NF2: variants seen among roughly 807,000 people sequenced by gnomAD.
NF2 encodes the protein NF2, moesin-ezrin-radixin like (MERLIN) tumor suppressor, also known as merlin.
In NF2, 8 loss-of-function variants were observed where a neutral mutation model predicts 83.7. The ratio of observed to expected loss-of-function variants is 0.10; its 90% CI spans 0.06 to 0.17. NF2 has a LOEUF of 0.17. Ranked by LOEUF, NF2 falls within the 10% of genes least tolerant of loss-of-function variation. The probability of loss-of-function intolerance (pLI) is 1.00; values close to 1 mark genes in which losing one functional copy is unlikely to be tolerated. For synonymous variants in NF2, 266 were observed against 269.6 expected (o/e 0.99, Z 0.13); for missense variants, 533 against 744.4 (o/e 0.72, Z 3.31).
In NF2 at chr22:29,655,579, T is replaced by C; in HGVS notation, c.517-15T>C. 6.3e-7 allele frequency: 1 copy of C among 1,599,610 alleles called. No individual in the cohort carries two copies. The highest frequency in any genetic ancestry group is 8.6e-7 in the Non-Finnish European group (1 of 1,166,946). On this transcript the variant is annotated splice_polypyrimidine_tract_variant and intron_variant, in intron 5 of 15. Coordinates refer to ENST00000338641, the MANE Select transcript of NF2 (RefSeq NM_000268.4). The stretch of plus-strand genomic sequence containing the variant: ...TTCATGTGTAGGTTTTTTATTTTGC[T>C]CTATTTTTTGGTAGGTAATAAATCT...
At chr22:29,637,325 ATC>A (rs2065675353) in intron 2 of NF2, among the ~76,000 whole-genome samples, 1 of 152,164 alleles carries the variant, frequency 6.6e-6, no homozygotes, top group African/African-American at 2.4e-5. Flanking sequence ...CATTAATATG[ATC>A]TAAGGAATAG....
intron 1 of NF2, among the ~76,000 whole-genome samples, chr22:29,630,078 A>G (rs539546644): frequency 1.3e-5 from 2 of 152,328 alleles, no homozygotes; most frequent in Admixed American, 6.5e-5. Flanking sequence ...CCCAAAGAAA[A>G]CAGTGGGAGA....
rs1235723239 is a variant in NF2, at chr22:29,630,763, T to TGGATC, written c.115-5987_115-5983dup. Among the ~76,000 whole-genome samples the TGGATC allele has an allele frequency of 3.3e-5, 5 of 152,192 alleles. No individual in the cohort carries two copies. In the East Asian group the frequency reaches 9.6e-4, roughly 29 times the overall value. ...GCTGAGATGAGGCAGGGAACCGTGG[T>TGGATC]GGATCCAGAGCAGTTTGAACACTTT... On this transcript the variant is annotated intron_variant, in intron 1 of 15. Transcript: ENST00000338641.
Position 29,698,208 on chromosome 22 carries a change from G to A in NF2, c.*3406G>A, listed in dbSNP as rs1056681239. 7 of 231,912 alleles carry A rather than the reference G, an allele frequency of 3.0e-5. No homozygotes were observed. Among genetic ancestry groups the A allele is most frequent in the Admixed American group, 5.6e-5 (1 of 17,740 alleles). The allele number at this position is 231,912 out of a possible 1,614,324, so 14.4% of individuals were successfully genotyped here. ...GCCAGGCCCTGCTAGATAGCACCCC[G>A]TGGCATTACATAACACTTCATGAGT... is the stretch of plus-strand genomic sequence containing the variant. On this transcript the variant is annotated 3_prime_UTR_variant, in exon 16 of 16. Coordinates refer to ENST00000338641, the MANE Select transcript of NF2 (RefSeq NM_000268.4).
chr22:29,651,773 GTA>G (rs2066154154), intron 4 of NF2, among the ~76,000 whole-genome samples: 1 of 152,202 alleles, frequency 6.6e-6, no homozygotes, highest in South Asian at 2.1e-4. Context: ...TGAGAACTTG[GTA>G]TAATAATGGG....
chr22:29,638,646 C>T (rs937495122), intron 2 of NF2, among the ~76,000 whole-genome samples: 3 of 152,124 alleles, frequency 2.0e-5, no homozygotes, highest in Non-Finnish European at 2.9e-5. Flanking sequence ...GCCACCACGC[C>T]CAGCGCTCTA....
At chr22:29,611,704 T>C (rs145709401) in intron 1 of NF2, among the ~76,000 whole-genome samples, 54 of 152,308 alleles carry the variant, frequency 3.5e-4, no homozygotes, top group African/African-American at 1.2e-3. Context: ...TAAGATCATC[T>C]CTGCAGATGA....
intron 15 of NF2, among the ~76,000 whole-genome samples, chr22:29,682,350 A>C (rs887200118): frequency 1.3e-5 from 2 of 152,212 alleles, no homozygotes; most frequent in African/African-American, 2.4e-5. Context: ...ATACTGATAC[A>C]GTTAATTTTT....
chr22:29,680,292 A>C (rs567724680), intron 14 of NF2, among the ~76,000 whole-genome samples: 6 of 152,080 alleles, frequency 3.9e-5, no homozygotes, highest in African/African-American at 1.2e-4. Flanking sequence ...TTGTATTTTT[A>C]GTAGAGATGG....
intron 10 of NF2, 25 bp from the exon 11 acceptor site, chr22:29,671,801 G>A (rs544701725): frequency 2.5e-6 from 4 of 1,613,664 alleles, no homozygotes; most frequent in Non-Finnish European, 3.4e-6. Context: ...GTGATTCAAT[G>A]ACTGTTTTTC....
In NF2 at chr22:29,604,066, C is replaced by T; in HGVS notation, c.68C>T (p.Thr23Ile). ...SLKRKQPKTF[T>I]VRIVTMDAEM... ...AAGAGGAAGCAACCCAAGACGTTCA[C>T]CGTGAGGATCGTCACCATGGACGCC... is the stretch of plus-strand genomic sequence containing the variant. Residue 23 changes from threonine to isoleucine, a missense_variant, in exon 1 of 16, where the codon ACC becomes ATC. Transcript: ENST00000338641. 6.2e-7 allele frequency: 1 copy of T among 1,607,912 alleles called. No homozygotes were observed. The highest frequency in any genetic ancestry group is 1.7e-5 in the Admixed American group (1 of 59,158).
chr22:29,608,907 C>T lies in NF2; in HGVS notation c.114+4795C>T, dbSNP rs571305012. ...CCCTTGGGAACCAGTAGTATGGCAT[C>T]GGGCTGCAAGATTGGCCTGTCCATC... On this transcript the variant is annotated intron_variant, in intron 1 of 15. Coordinates refer to ENST00000338641, the MANE Select transcript of NF2 (RefSeq NM_000268.4). 39 of 531,932 alleles carry T rather than the reference C, an allele frequency of 7.3e-5. No individual in the cohort carries two copies. The East Asian group carries it at 7.8e-4, about 11-fold the overall frequency. The allele number at this position is 531,932 out of a possible 1,614,324, so 33.0% of individuals were successfully genotyped here. A position where few individuals can be genotyped will look rare whatever the true frequency, so the allele number is the denominator to read the frequency against.
At chr22:29,687,010 G>T (rs1208655838) in intron 15 of NF2, among the ~76,000 whole-genome samples, 1 of 152,086 alleles carries the variant, frequency 6.6e-6, no homozygotes, top group Non-Finnish European at 1.5e-5. Context: ...GTGGTGGCTT[G>T]GTGTGGCGTA....
At chr22:29,687,237 C>G (rs1346683928) in intron 15 of NF2, among the ~76,000 whole-genome samples, 1 of 152,070 alleles carries the variant, frequency 6.6e-6, no homozygotes, top group Non-Finnish European at 1.5e-5. Flanking sequence ...GGTGGTGGAG[C>G]TTAGAAAGCT....
chr22:29,665,994 A>G (rs2066612225), intron 9 of NF2, among the ~76,000 whole-genome samples: 1 of 152,154 alleles, frequency 6.6e-6, no homozygotes, highest in African/African-American at 2.4e-5. Context: ...AATGCTGTCA[A>G]GTATATATAT....
intron 4 of NF2, among the ~76,000 whole-genome samples, chr22:29,654,000 TA>T (rs2066228879): frequency 6.6e-6 from 1 of 152,118 alleles, no homozygotes; most frequent in Non-Finnish European, 1.5e-5. Context: ...TTTTTTTTTT[TA>T]ATCAGAGAAT....
In NF2 at chr22:29,649,780, A is replaced by C. The variant is rs79377407; in HGVS notation, c.448-4877A>C. ...AAAATAAAAAAGGAGCCACTGGTAC[A>C]AAAAAAAAAAAGAAAAAATGAGTAA... On this transcript the variant is annotated intron_variant, in intron 4 of 15. Transcript: ENST00000338641. 2.3e-4 allele frequency among the ~76,000 whole-genome samples: 30 copies of C among 133,164 alleles called. 1 individual carries two copies. The highest frequency in any genetic ancestry group is 4.3e-4 in the South Asian group (2 of 4,638). The allele number at this position is 133,164 out of a possible 152,430, so 87.4% of individuals were successfully genotyped here.
chr22:29,644,605 C>T (rs1317044012), intron 4 of NF2, among the ~76,000 whole-genome samples: 4 of 152,084 alleles, frequency 2.6e-5, no homozygotes, highest in African/African-American at 4.8e-5. Context: ...GCCGAGATCA[C>T]GCCACTGCAC....
At chr22:29,654,190 TG>T (rs889163445) in intron 4 of NF2, among the ~76,000 whole-genome samples, 2 of 152,198 alleles carry the variant, frequency 1.3e-5, no homozygotes, top group Non-Finnish European at 2.9e-5. Flanking sequence ...TTCAGAAACT[TG>T]GGTGAAAGGT....
Sources: gnomAD v4.1 joint callset for allele counts (sites outside exome capture counted in the v4.1 genomes callset) on GRCh38, gnomAD v4.1.1 for gene constraint, MANE v1.5 for transcripts, NCBI Gene and HGNC (gene_info 2026-07-23, HGNC 2026-07-21) for gene names.